Variants in CAMK1D observed in about 807,000 individuals in gnomAD.
CAMK1D encodes calcium/calmodulin-dependent protein kinase type 1D.
In CAMK1D, 9 loss-of-function variants were observed where a neutral mutation model predicts 47.7. The observed-to-expected ratio is 0.19, with a 90% confidence interval of 0.11 to 0.33. The LOEUF (loss-of-function observed/expected upper bound fraction) is 0.33, where lower values mean the gene tolerates loss of function less well. Ranked by LOEUF, CAMK1D falls within the 10% of genes least tolerant of loss-of-function variation. The probability of loss-of-function intolerance (pLI) is 1.00; values close to 1 mark genes in which losing one functional copy is unlikely to be tolerated. For synonymous variants in CAMK1D, 184 were observed against 184.9 expected (o/e 0.99, Z 0.04); for missense variants, 291 against 488.7 (o/e 0.60, Z 3.81).
chr10:12,458,909 C>T (rs1227480248), intron 1 of CAMK1D, among the ~76,000 whole-genome samples: 2 of 137,602 alleles, frequency 1.5e-5, no homozygotes, highest in Non-Finnish European at 3.1e-5. Context: ...GATGAAATCT[C>T]GCTCTGTTGC....
At chr10:12,515,265 C>T (rs986261613) in intron 1 of CAMK1D, among the ~76,000 whole-genome samples, 21 of 151,998 alleles carry the variant, frequency 1.4e-4, no homozygotes, top group Admixed American at 1.1e-3. Context: ...ATATTACCAC[C>T]ACCACAATCG....
chr10:12,520,747 CAA>C, intron 1 of CAMK1D, among the ~76,000 whole-genome samples: 1 of 39,852 alleles, frequency 2.5e-5, no homozygotes, highest in South Asian at 1.4e-3. Context: ...GCCAACACAG[CAA>C]AACCCAGTCT....
intron 10 of CAMK1D, among the ~76,000 whole-genome samples, chr10:12,827,989 C>G (rs776857397): frequency 3.1e-4 from 47 of 152,314 alleles, no homozygotes; most frequent in Non-Finnish European, 6.3e-4. Context: ...TTTCAAAGTG[C>G]TCTGCGTCAC....
intron 3 of CAMK1D, among the ~76,000 whole-genome samples, chr10:12,752,222 A>G (rs1836021857): frequency 6.6e-6 from 1 of 152,122 alleles, no homozygotes; most frequent in Non-Finnish European, 1.5e-5. Flanking sequence ...ACTTCAGGTG[A>G]TCTGTCCACA....
chr10:12,413,197 T>C (rs61847406), intron 1 of CAMK1D, among the ~76,000 whole-genome samples: 24,404 of 151,950 alleles, frequency 0.16, 2,004 homozygotes, highest in Middle Eastern at 0.24. Context: ...CTTACAGTCA[T>C]GGTGGAGGGG....
chr10:12,486,616 CCTT>C (rs1279181663), intron 1 of CAMK1D, among the ~76,000 whole-genome samples: 2 of 152,186 alleles, frequency 1.3e-5, no homozygotes, highest in East Asian at 1.9e-4. Context: ...TGAGTAAACT[CCTT>C]CTTTGTAGCC....
chr10:12,732,648 C>A (rs955027750), intron 3 of CAMK1D, among the ~76,000 whole-genome samples: 1 of 150,692 alleles, frequency 6.6e-6, no homozygotes, highest in Non-Finnish European at 1.5e-5. Flanking sequence ...GAAAGATGGG[C>A]CCCCATTATT....
At chr10:12,605,482 C>G (rs932474292) in intron 2 of CAMK1D, among the ~76,000 whole-genome samples, 2 of 152,106 alleles carry the variant, frequency 1.3e-5, no homozygotes, top group African/African-American at 2.4e-5. Flanking sequence ...TTAGCCCTGG[C>G]TGCCCACCCC....
At chr10:12,428,838 A>C (rs1840341099) in intron 1 of CAMK1D, among the ~76,000 whole-genome samples, 1 of 152,140 alleles carries the variant, frequency 6.6e-6, no homozygotes, top group Admixed American at 6.5e-5. Flanking sequence ...TAATGTCCTT[A>C]TCAAAGAGAC....
Position 12,524,420 on chromosome 10 carries a change from C to A in CAMK1D, c.93-28805C>A, listed in dbSNP as rs567979449. Among the ~76,000 whole-genome samples the A allele has an allele frequency of 1.3e-3, 200 of 152,246 alleles. 1 individual carries two copies. Among genetic ancestry groups the A allele is most frequent in the African/African-American group, 4.7e-3 (194 of 41,544 alleles). On this transcript the variant is annotated intron_variant, in intron 1 of 10. Coordinates refer to ENST00000619168, the MANE Select transcript of CAMK1D (RefSeq NM_153498.4). ...ATTACATCTACATACATAAAAACAT[C>A]ATTTTGACCAGGCGCGGTGGCGCAC...
intron 1 of CAMK1D, among the ~76,000 whole-genome samples, chr10:12,453,028 G>T (rs1365474597): frequency 6.6e-6 from 1 of 151,844 alleles, no homozygotes; most frequent in Admixed American, 6.6e-5. Context: ...CCCAGTCTAC[G>T]GCCAGCCCCA....
chr10:12,748,464 T>G (rs551926433), intron 3 of CAMK1D, among the ~76,000 whole-genome samples: 1 of 152,208 alleles, frequency 6.6e-6, no homozygotes, highest in East Asian at 1.9e-4. Context: ...GAGTTTTCCT[T>G]TAGAACCATT....
chr10:12,350,358 A>T (rs1016358934), intron 1 of CAMK1D, among the ~76,000 whole-genome samples: 1 of 152,158 alleles, frequency 6.6e-6, no homozygotes, highest in Non-Finnish European at 1.5e-5. Context: ...TCCTTACATC[A>T]TGTATTTCTA....
chr10:12,439,492 G>A (rs1289454658), intron 1 of CAMK1D, among the ~76,000 whole-genome samples: 4 of 152,214 alleles, frequency 2.6e-5, no homozygotes, highest in African/African-American at 9.7e-5. Context: ...GGGCTTGGCT[G>A]TGATAACAGC....
intron 1 of CAMK1D, among the ~76,000 whole-genome samples, chr10:12,529,756 C>T (rs552143397): frequency 3.0e-4 from 46 of 152,228 alleles, no homozygotes; most frequent in Admixed American, 1.0e-3. Flanking sequence ...TTTAAAAATA[C>T]GAGTGCTGGG....
At chr10:12,425,955 CT>C in intron 1 of CAMK1D, among the ~76,000 whole-genome samples, 1 of 152,316 alleles carries the variant, frequency 6.6e-6, no homozygotes, top group South Asian at 2.1e-4. Flanking sequence ...AATTCTCATC[CT>C]GCTATTAAAT....
intron 2 of CAMK1D, among the ~76,000 whole-genome samples, chr10:12,613,453 A>T (rs1305163919): frequency 6.6e-6 from 1 of 152,228 alleles, no homozygotes; most frequent in Non-Finnish European, 1.5e-5. Context: ...GTAAACTACA[A>T]ACTTTTTCTG....
At chr10:12,649,536 GAC>G (rs1158594030) in intron 2 of CAMK1D, among the ~76,000 whole-genome samples, 1 of 152,208 alleles carries the variant, frequency 6.6e-6, no homozygotes, top group Non-Finnish European at 1.5e-5. Context: ...ATTTTCTGAA[GAC>G]ACAGGTATTC....
chr10:12,510,451 G>A (rs1395861008), intron 1 of CAMK1D, among the ~76,000 whole-genome samples: 1 of 152,132 alleles, frequency 6.6e-6, no homozygotes, highest in Admixed American at 6.5e-5. Flanking sequence ...AGCCACGTGG[G>A]CATTTTGAAG....
Sources: gnomAD v4.1 joint callset for allele counts (sites outside exome capture counted in the v4.1 genomes callset) on GRCh38, gnomAD v4.1.1 for gene constraint, MANE v1.5 for transcripts, NCBI Gene and HGNC (gene_info 2026-07-23, HGNC 2026-07-21) for gene names.